UBE2E3: variants seen among roughly 807,000 people sequenced by gnomAD.
UBE2E3 encodes ubiquitin-conjugating enzyme E2 E3.
Under a neutral mutation model 23.6 loss-of-function variants are expected in UBE2E3, and 5 were observed. The observed-to-expected ratio is 0.21, with a 90% CI of 0.11 to 0.44. The LOEUF is 0.44. UBE2E3 is among the 20% of genes least tolerant of loss of function. UBE2E3 has a pLI of 0.99. For synonymous variants in UBE2E3, 78 were observed against 87.5 expected (o/e 0.89, Z 0.60); for missense variants, 81 against 249.8 (o/e 0.32, Z 4.55).
At chr2:181,017,228 G>C (rs1438121339) in intron 3 of UBE2E3, among the ~76,000 whole-genome samples, 1 of 152,196 alleles carries the variant, frequency 6.6e-6, no homozygotes, top group East Asian at 1.9e-4. Flanking sequence ...GGGGCTGGAA[G>C]TTTACATTAA....
At chr2:180,988,906 C>CA (rs1206145509) in intron 3 of UBE2E3, among the ~76,000 whole-genome samples, 3 of 150,054 alleles carry the variant, frequency 2.0e-5, no homozygotes, top group South Asian at 2.1e-4. Context: ...TTCAATTCTT[C>CA]AAAAAAAAAG....
At chr2:181,009,267 T>TA (rs1685245769) in intron 3 of UBE2E3, among the ~76,000 whole-genome samples, 1 of 152,134 alleles carries the variant, frequency 6.6e-6, no homozygotes, top group Non-Finnish European at 1.5e-5. Context: ...ATAAAACAAA[T>TA]AACTGAAAAT....
chr2:181,038,535 G>C (rs927206440), intron 3 of UBE2E3, among the ~76,000 whole-genome samples: 7 of 152,168 alleles, frequency 4.6e-5, no homozygotes, highest in African/African-American at 1.7e-4. Context: ...TATAATGTAA[G>C]AGCAAAATTT....
intron 3 of UBE2E3, among the ~76,000 whole-genome samples, chr2:181,041,232 C>CAAAAAAAAAAAAAAAA (rs1686488045): frequency 3.1e-5 from 1 of 31,888 alleles, no homozygotes; most frequent in Non-Finnish European, 5.8e-5. Context: ...AAGACTCCGT[C>CAAAAAAAAAAAAAAAA]TCAAAAAAAA....
chr2:180,988,242 G>C (rs1305108947), intron 3 of UBE2E3, among the ~76,000 whole-genome samples: 1 of 152,058 alleles, frequency 6.6e-6, no homozygotes, highest in Non-Finnish European at 1.5e-5. Flanking sequence ...CACTGTTGCT[G>C]GCATTTTCTC....
chr2:181,012,935 C>G (rs1685378874), intron 3 of UBE2E3, among the ~76,000 whole-genome samples: 1 of 152,102 alleles, frequency 6.6e-6, no homozygotes. Flanking sequence ...TGGACAAAGT[C>G]AGGCCTTGTC....
chr2:181,005,907 G>A (rs1685135082), intron 3 of UBE2E3, among the ~76,000 whole-genome samples: 1 of 152,172 alleles, frequency 6.6e-6, no homozygotes, highest in Non-Finnish European at 1.5e-5. Context: ...AAGCTCAGCT[G>A]GTAGTCTTGA....
At chr2:181,035,056 A>G (rs1345637804) in intron 3 of UBE2E3, among the ~76,000 whole-genome samples, 2 of 152,334 alleles carry the variant, frequency 1.3e-5, no homozygotes, top group East Asian at 3.8e-4. Context: ...TAATAAATAT[A>G]CAAGTCATTT....
chr2:180,988,501 TAAAC>T (rs1460073800), intron 3 of UBE2E3, among the ~76,000 whole-genome samples: 2 of 152,210 alleles, frequency 1.3e-5, no homozygotes, highest in Admixed American at 1.3e-4. Context: ...TAAAGTATAA[TAAAC>T]AATTTTTAGA....
chr2:181,034,077 T>A (rs1275215765), intron 3 of UBE2E3, among the ~76,000 whole-genome samples: 9 of 152,178 alleles, frequency 5.9e-5, no homozygotes, highest in African/African-American at 1.2e-4. Context: ...ACACTGTTGG[T>A]GGGACTGTAA....
chr2:181,009,932 A>G (rs572044432), intron 3 of UBE2E3, among the ~76,000 whole-genome samples: 6 of 152,010 alleles, frequency 3.9e-5, no homozygotes, highest in Non-Finnish European at 8.8e-5. Flanking sequence ...CAGTTTTTTA[A>G]TACTTTTTTT....
intron 3 of UBE2E3, among the ~76,000 whole-genome samples, chr2:181,029,839 CTTTT>C (rs546001645): frequency 3.8e-5 from 5 of 131,948 alleles, no homozygotes; most frequent in Admixed American, 7.5e-5. Flanking sequence ...AATTCGGTCC[CTTTT>C]TTTTTTTTTT....
chr2:181,044,831 C>T (rs1457717467), intron 3 of UBE2E3, among the ~76,000 whole-genome samples: 3 of 152,104 alleles, frequency 2.0e-5, no homozygotes, highest in Non-Finnish European at 4.4e-5. Context: ...AGTAATTGTT[C>T]AGTTCTAAGA....
intron 3 of UBE2E3, among the ~76,000 whole-genome samples, chr2:181,023,335 A>G (rs1316321302): frequency 2.0e-5 from 3 of 152,118 alleles, no homozygotes; most frequent in Non-Finnish European, 4.4e-5. Flanking sequence ...TTTTATCTTG[A>G]ATTTCTTAAT....
intron 3 of UBE2E3, among the ~76,000 whole-genome samples, chr2:181,036,355 A>G (rs1018167667): frequency 2.6e-5 from 4 of 152,344 alleles, no homozygotes; most frequent in Admixed American, 2.0e-4. Context: ...CTGAGTATCT[A>G]TACACAAAAT....
intron 3 of UBE2E3, among the ~76,000 whole-genome samples, chr2:180,998,489 C>A (rs144760182): frequency 2.0e-5 from 3 of 150,746 alleles, no homozygotes; most frequent in East Asian, 3.9e-4. Context: ...TGATGAAATT[C>A]ATTTATCCTC....
chr2:181,050,296 A>C (rs936850731), intron 3 of UBE2E3, among the ~76,000 whole-genome samples: 1 of 151,654 alleles, frequency 6.6e-6, no homozygotes, highest in Non-Finnish European at 1.5e-5. Context: ...GTTTTCTTCA[A>C]CTCTTTCAAA....
chr2:181,038,402 G>A (rs1408845258), intron 3 of UBE2E3, among the ~76,000 whole-genome samples: 2 of 152,026 alleles, frequency 1.3e-5, no homozygotes, highest in South Asian at 2.1e-4. Flanking sequence ...CAAAATCCCC[G>A]AATGACACAT....
At chr2:181,041,234 C>CAA (rs1206207155) in intron 3 of UBE2E3, among the ~76,000 whole-genome samples, 6,964 of 76,976 alleles carry the variant, frequency 0.09, 537 homozygotes, top group East Asian at 0.17. Context: ...GACTCCGTCT[C>CAA]AAAAAAAAAA....
Sources: gnomAD v4.1 joint callset for allele counts (sites outside exome capture counted in the v4.1 genomes callset) on GRCh38, gnomAD v4.1.1 for gene constraint, MANE v1.5 for transcripts, NCBI Gene and HGNC (gene_info 2026-07-23, HGNC 2026-07-21) for gene names.